Variants in PCDHGB5 observed in about 807,000 individuals in gnomAD.
The protein encoded by PCDHGB5 is protocadherin gamma subfamily B, 5.
PCDHGB5 carries 48 observed loss-of-function variants against 62.9 expected under a neutral mutation model. That is an observed-to-expected ratio of 0.76 (90% CI 0.61 to 0.97). The LOEUF (loss-of-function observed/expected upper bound fraction) is 0.97. PCDHGB5 is among the 50% of genes least tolerant of loss of function. The probability of loss-of-function intolerance (pLI) is 0.00; values close to 1 mark genes in which losing one functional copy is unlikely to be tolerated. For synonymous variants in PCDHGB5, 474 were observed against 511.2 expected (o/e 0.93, Z 0.98); for missense variants, 1,118 against 1,198.6 (o/e 0.93, Z 0.99).
intron 1 of PCDHGB5, chr5:141,403,543 G>C (rs1228327431): frequency 1.2e-6 from 2 of 1,614,006 alleles, no homozygotes; most frequent in Non-Finnish European, 1.7e-6. Context: ...TGGTGCTGGA[G>C]CGCGCCCTGG....
intron 1 of PCDHGB5, among the ~76,000 whole-genome samples, chr5:141,464,222 G>A (rs1189319398): frequency 2.7e-5 from 4 of 147,818 alleles, no homozygotes; most frequent in African/African-American, 7.5e-5. Flanking sequence ...CTGAGATTGC[G>A]CCACTGCACT....
At chr5:141,508,123 G>A (rs989767852) in intron 3 of PCDHGB5, 1 of 152,616 alleles carries the variant, frequency 6.6e-6, no homozygotes, top group Non-Finnish European at 1.5e-5. Context: ...GAGGACAGAG[G>A]GAGGTCAGGG....
chr5:141,477,607 G>A lies in PCDHGB5; in HGVS notation c.2398-17200G>A, dbSNP rs1223703956. ...ATGCTCGGCTTTCTTTCTTTCTCTT[G>A]GAGCAAGGAGCTGAAACCGGGCTAG... is the stretch of plus-strand genomic sequence containing the variant. On this transcript the variant is annotated intron_variant, in intron 1 of 3. Coordinates refer to ENST00000617380, the MANE Select transcript of PCDHGB5 (RefSeq NM_018925.3). The surrounding 1 kb of genome is among the most constrained non-coding windows in gnomAD (Gnocchi z 4.9). 2 of 1,614,028 alleles carry A rather than the reference G, an allele frequency of 1.2e-6. No individual in the cohort carries two copies. The highest frequency in any genetic ancestry group is 3.3e-5 in the Admixed American group (2 of 60,000).
chr5:141,487,616 G>A lies in PCDHGB5; in HGVS notation c.2398-7191G>A. On this transcript the variant is annotated intron_variant, in intron 1 of 3. Transcript: ENST00000617380. This position sits in a 1 kb window ranked among gnomAD's most constrained non-coding sequence, Gnocchi z 5.0. ...CTCTGATCTTCTCTATGGGCTAGAG[G>A]TGAGACCTTTGCAGGCTCAACAAAT... 2 of 1,614,220 alleles carry A rather than the reference G, an allele frequency of 1.2e-6. No homozygotes were observed. The highest frequency in any genetic ancestry group is 1.7e-6 in the Non-Finnish European group (2 of 1,180,044).
At chr5:141,443,820 T>A (rs1329478151) in intron 1 of PCDHGB5, among the ~76,000 whole-genome samples, 1 of 151,986 alleles carries the variant, frequency 6.6e-6, no homozygotes, top group Non-Finnish European at 1.5e-5. Context: ...TTGGAAAACA[T>A]AATTAGGTAA....
chr5:141,445,376 A>T (rs1182418123), intron 1 of PCDHGB5, among the ~76,000 whole-genome samples: 1 of 152,220 alleles, frequency 6.6e-6, no homozygotes, highest in Non-Finnish European at 1.5e-5. Context: ...TGGGTGGTTC[A>T]TTCATTCATT....
At chr5:141,440,558 T>C (rs546919141) in intron 1 of PCDHGB5, 1 of 152,350 alleles carries the variant, frequency 6.6e-6, no homozygotes, top group East Asian at 1.9e-4. Context: ...TGTTATTAAG[T>C]TACGTATCTC....
intron 1 of PCDHGB5, chr5:141,414,696 A>T: frequency 6.2e-7 from 1 of 1,613,982 alleles, no homozygotes; most frequent in Non-Finnish European, 8.5e-7. Flanking sequence ...CTCTGTCCTC[A>T]TACATATCCA....
intron 1 of PCDHGB5, chr5:141,408,661 G>T (rs1462103250): frequency 1.2e-6 from 2 of 1,613,888 alleles, no homozygotes; most frequent in Middle Eastern, 3.3e-4. Context: ...CACGACTATC[G>T]CTTGACCCTG....
rs113341686 is a variant in PCDHGB5, at chr5:141,488,763, G to A, written c.2398-6044G>A. Among the ~76,000 whole-genome samples the A allele has an allele frequency of 6.6e-4, 101 of 152,264 alleles. 1 individual carries two copies. The highest frequency in any genetic ancestry group is 1.7e-3 in the African/African-American group (69 of 41,544). ...ATGCAGGAAGTTGCTGGGACAGAACGCTGAGGAGTTTTGTATCACTTTGTC... is the reference window on the plus strand; with the variant it reads ...ATGCAGGAAGTTGCTGGGACAGAACACTGAGGAGTTTTGTATCACTTTGTC... On this transcript the variant is annotated intron_variant, in intron 1 of 3. Coordinates refer to ENST00000617380, the MANE Select transcript of PCDHGB5 (RefSeq NM_018925.3).
intron 1 of PCDHGB5, chr5:141,418,804 T>C (rs368948947): frequency 3.3e-5 from 54 of 1,613,718 alleles, no homozygotes; most frequent in African/African-American, 5.3e-5. Flanking sequence ...TAGAAAGATA[T>C]ACGATAAACA....
At chr5:141,400,799 G>A in intron 1 of PCDHGB5, 1 of 553,494 alleles carries the variant, frequency 1.8e-6, no homozygotes, top group Non-Finnish European at 3.2e-6. Context: ...CTTTCTCAAA[G>A]CTAATGAATT....
intron 1 of PCDHGB5, chr5:141,476,000 T>A (rs2099383773): frequency 1.6e-6 from 2 of 1,225,380 alleles, no homozygotes; most frequent in African/African-American, 1.5e-5. Flanking sequence ...ATCAACGGCA[T>A]CCAGAAAGCC....
chr5:141,418,063 G>T (rs2015825), intron 1 of PCDHGB5: 734,858 of 1,613,808 alleles, frequency 0.46, 174,471 homozygotes, highest in African/African-American at 0.8. Flanking sequence ...AGCTGCGAGT[G>T]AGCGCGGAGA....
intron 3 of PCDHGB5, 111 bp from the exon 4 acceptor site, chr5:141,510,836 G>C: frequency 6.3e-7 from 1 of 1,584,882 alleles, no homozygotes; most frequent in African/African-American, 1.3e-5. Flanking sequence ...TGCTCAGCGT[G>C]GTCAAGGCCC....
chr5:141,483,509 C>A (rs2099582178), intron 1 of PCDHGB5, among the ~76,000 whole-genome samples: 1 of 147,450 alleles, frequency 6.8e-6, no homozygotes, highest in African/African-American at 2.5e-5. Flanking sequence ...AGGCTGATCC[C>A]CCTAGATCCT....
chr5:141,421,592 T>C (rs1590304832), intron 1 of PCDHGB5: 1 of 1,613,272 alleles, frequency 6.2e-7, no homozygotes, highest in Non-Finnish European at 8.5e-7. Context: ...GGAGTGGAGG[T>C]GGAAATAATA....
In PCDHGB5 at chr5:141,432,931, G is replaced by A. The variant is rs2097550450; in HGVS notation, c.2397+32407G>A. The A allele has an allele frequency of 6.2e-7, 1 of 1,614,198 alleles. No individual in the cohort carries two copies. The highest frequency in any genetic ancestry group is 2.2e-5 in the East Asian group (1 of 44,864). Reference sequence around the variant, plus strand: ...TGCGGCGCTGGCACAAGTCACGCCTGCTGCAGGCTTCAGGAGGCGGCTTGA... The same window carrying A: ...TGCGGCGCTGGCACAAGTCACGCCTACTGCAGGCTTCAGGAGGCGGCTTGA... On this transcript the variant is annotated intron_variant, in intron 1 of 3. Transcript: ENST00000617380. The surrounding 1 kb of genome is among the most constrained non-coding windows in gnomAD (Gnocchi z 6.0).
At chr5:141,402,019 C>A (rs1354499456) in intron 1 of PCDHGB5, among the ~76,000 whole-genome samples, 1 of 152,084 alleles carries the variant, frequency 6.6e-6, no homozygotes, top group Non-Finnish European at 1.5e-5. Flanking sequence ...GCATTTGAAT[C>A]ATTGAAACAC....
Sources: gnomAD v4.1 joint callset for allele counts (sites outside exome capture counted in the v4.1 genomes callset) on GRCh38, gnomAD v4.1.1 for gene constraint, Gnocchi (gnomAD v3.1) non-coding constraint, MANE v1.5 for transcripts, NCBI Gene and HGNC (gene_info 2026-07-23, HGNC 2026-07-21) for gene names.